Variants in NUAK1 observed in about 807,000 individuals in gnomAD.
NUAK1 encodes NUAK family SNF1-like kinase 1.
A neutral mutation model predicts 56.9 loss-of-function variants in NUAK1; 26 were observed. That is an observed-to-expected ratio of 0.46 (90% confidence interval 0.33 to 0.63). NUAK1 has a LOEUF of 0.63. NUAK1 is among the 30% of genes least tolerant of loss of function. The pLI is 0.02. For synonymous variants in NUAK1, 337 were observed against 336.0 expected (o/e 1.00, Z -0.03); for missense variants, 727 against 876.1 (o/e 0.83, Z 2.15).
intron 1 of NUAK1, among the ~76,000 whole-genome samples, chr12:106,111,528 A>C (rs751974752): frequency 2.0e-5 from 3 of 152,038 alleles, no homozygotes; most frequent in Non-Finnish European, 4.4e-5. Context: ...TCATTCATTG[A>C]TATAAGCTGG....
At chr12:106,116,138 G>A (rs1246888155) in intron 1 of NUAK1, among the ~76,000 whole-genome samples, 5 of 152,208 alleles carry the variant, frequency 3.3e-5, no homozygotes, top group Non-Finnish European at 7.3e-5. Flanking sequence ...TACTAAGCAT[G>A]TGCCTAATGT....
intron 4 of NUAK1, among the ~76,000 whole-genome samples, chr12:106,074,096 G>A (rs2032437227): frequency 1.3e-5 from 2 of 152,034 alleles, no homozygotes; most frequent in Non-Finnish European, 2.9e-5. Context: ...CAGACTCTGA[G>A]TTTCCTGAGG....
chr12:106,127,735 C>T (rs2033037167), intron 1 of NUAK1, among the ~76,000 whole-genome samples: 1 of 152,176 alleles, frequency 6.6e-6, no homozygotes, highest in Admixed American at 6.5e-5. Flanking sequence ...ATAGGAAATG[C>T]AGCCTTTCAG....
intron 4 of NUAK1, 30 bp downstream of exon 4, chr12:106,083,834 G>A: frequency 6.2e-7 from 1 of 1,602,920 alleles, no homozygotes; most frequent in Non-Finnish European, 8.5e-7. Flanking sequence ...CCCAGGCCCT[G>A]CATATCAATC....
At chr12:106,117,459 C>A (rs1261384685) in intron 1 of NUAK1, among the ~76,000 whole-genome samples, 1 of 152,172 alleles carries the variant, frequency 6.6e-6, no homozygotes, top group African/African-American at 2.4e-5. Context: ...CAAAAAAAGC[C>A]AAGGCAGTGT....
chr12:106,104,482 C>G (rs1308143956), intron 2 of NUAK1, among the ~76,000 whole-genome samples: 1 of 152,196 alleles, frequency 6.6e-6, no homozygotes, highest in Non-Finnish European at 1.5e-5. Context: ...AGTAGACACT[C>G]CACTCAGTAG....
chr12:106,121,416 T>C (rs2032973432), intron 1 of NUAK1, among the ~76,000 whole-genome samples: 1 of 152,158 alleles, frequency 6.6e-6, no homozygotes, highest in African/African-American at 2.4e-5. Flanking sequence ...TCGAAGCAGC[T>C]CTCAGTTCTA....
At chr12:106,081,569 G>T (rs191491887) in intron 4 of NUAK1, among the ~76,000 whole-genome samples, 347 of 152,260 alleles carry the variant, frequency 2.3e-3, no homozygotes, top group Non-Finnish European at 4.2e-3. Context: ...GAAGAACTTG[G>T]TGCAGGGGAA....
chr12:106,089,623 A>G (rs2032614824), intron 2 of NUAK1, among the ~76,000 whole-genome samples: 1 of 152,018 alleles, frequency 6.6e-6, no homozygotes, highest in African/African-American at 2.4e-5. Context: ...CCCCATCTCC[A>G]CCAAAAATAT....
At chr12:106,082,377 T>C (rs766214057) in intron 4 of NUAK1, among the ~76,000 whole-genome samples, 23 of 152,204 alleles carry the variant, frequency 1.5e-4, no homozygotes, top group Non-Finnish European at 3.2e-4. Flanking sequence ...CACGAGTGCT[T>C]AGCAGTTTAC....
chr12:106,129,905 G>C (rs1028707082), intron 1 of NUAK1, among the ~76,000 whole-genome samples: 16 of 152,148 alleles, frequency 1.1e-4, no homozygotes, highest in African/African-American at 3.6e-4. Context: ...CTAGCTCCTG[G>C]GTAGCAGGAC....
chr12:106,111,717 G>A (rs149455491), intron 1 of NUAK1, among the ~76,000 whole-genome samples: 226 of 152,164 alleles, frequency 1.5e-3, no homozygotes, highest in African/African-American at 4.6e-3. Context: ...TTAGTGCTTC[G>A]TCTTTGACCC....
At chr12:106,133,258 C>G (rs538040106) in intron 1 of NUAK1, among the ~76,000 whole-genome samples, 1 of 152,150 alleles carries the variant, frequency 6.6e-6, no homozygotes, top group African/African-American at 2.4e-5. Context: ...CCTCTGAAAC[C>G]CAAATCAAGG....
intron 2 of NUAK1, among the ~76,000 whole-genome samples, chr12:106,092,636 G>A (rs530452785): frequency 2.2e-4 from 33 of 152,238 alleles, no homozygotes; most frequent in South Asian, 6.2e-4. Context: ...TGAATGTATC[G>A]TGTGGTTTAT....
chr12:106,132,310 C>T (rs961662367), intron 1 of NUAK1, among the ~76,000 whole-genome samples: 1 of 152,220 alleles, frequency 6.6e-6, no homozygotes, highest in Non-Finnish European at 1.5e-5. Flanking sequence ...CGACACCTCC[C>T]AAGATATTCT....
At position 106,067,295 on chromosome 12, in the gene NUAK1, C is replaced by T. The variant is rs1220374576; in HGVS notation, c.1493G>A (p.Gly498Asp). ...SELLDSNDVM[G>D]SSIPSPSPPD... is the part of the protein sequence containing the mutation. ...GGGGCTGGGGGAGGGGATGCTGCTG[C>T]CCATCACATCATTACTGTCCAACAG... Residue 498 changes from glycine to aspartate, a missense_variant, in exon 7 of 7, where the codon GGC (glycine) becomes GAC (aspartate). Transcript: ENST00000261402. The surrounding 1 kb of genome is among the most constrained non-coding windows in gnomAD (Gnocchi z 6.0). 17 of 1,614,022 alleles carry T rather than the reference C, an allele frequency of 1.1e-5. No individual in the cohort carries two copies. Among genetic ancestry groups the T allele is most frequent in the Non-Finnish European group, 1.4e-5 (17 of 1,180,016 alleles).
intron 1 of NUAK1, among the ~76,000 whole-genome samples, chr12:106,114,306 C>T (rs1392984598): frequency 1.3e-5 from 2 of 152,208 alleles, no homozygotes; most frequent in Admixed American, 6.5e-5. Flanking sequence ...AGCATCTGCA[C>T]CTTGGGCTTG....
At chr12:106,079,749 C>T in intron 4 of NUAK1, among the ~76,000 whole-genome samples, 1 of 152,234 alleles carries the variant, frequency 6.6e-6, no homozygotes, top group East Asian at 1.9e-4. Context: ...TTGTTTACTG[C>T]TGTGTCTCCA....
chr12:106,065,070 T>C lies in NUAK1; in HGVS notation c.*1732A>G, dbSNP rs907512924. ...TTTTTTTCTCATCTCCCTAGAACTA[T>C]TGTTTGTTGGTTTTTCCAAAGATGT... On this transcript the variant is annotated 3_prime_UTR_variant, in exon 7 of 7. Transcript: ENST00000261402. 2.6e-5 allele frequency: 4 copies of C among 152,292 alleles called. No homozygotes were observed. Among genetic ancestry groups the C allele is most frequent in the Non-Finnish European group, 4.4e-5 (3 of 68,034 alleles). 9.4% of individuals were successfully genotyped at this position (152,292 alleles called of 1,614,324 possible). A position where few individuals can be genotyped will look rare whatever the true frequency, so the allele number is the denominator to read the frequency against.
Sources: gnomAD v4.1 joint callset for allele counts (sites outside exome capture counted in the v4.1 genomes callset) on GRCh38, gnomAD v4.1.1 for gene constraint, Gnocchi (gnomAD v3.1) non-coding constraint, MANE v1.5 for transcripts, NCBI Gene and HGNC (gene_info 2026-07-23, HGNC 2026-07-21) for gene names.